NRXN1: variants seen among roughly 807,000 people sequenced by gnomAD.
NRXN1 encodes the protein neurexin-1.
Under a neutral mutation model 150.9 loss-of-function variants are expected in NRXN1, and 39 were observed. The ratio of observed to expected loss-of-function variants is 0.26; its 90% CI spans 0.20 to 0.34. The LOEUF is 0.34. NRXN1 is among the 10% of genes least tolerant of loss of function. NRXN1 has a pLI of 1.00. For synonymous variants in NRXN1, 924 were observed against 757.0 expected, an observed-to-expected ratio of 1.22 and a Z score of -3.62; for missense variants, 1,815 against 1,949.9, an observed-to-expected ratio of 0.93 and a Z score of 1.30.
intron 21 of NRXN1, among the ~76,000 whole-genome samples, chr2:49,963,148 G>C (rs560943556): frequency 1.3e-5 from 2 of 152,178 alleles, no homozygotes; most frequent in East Asian, 3.9e-4. Flanking sequence ...CTCAAATCCT[G>C]CAGAATCCTT....
chr2:50,866,094 T>C (rs1044357675), intron 5 of NRXN1, among the ~76,000 whole-genome samples: 7 of 151,886 alleles, frequency 4.6e-5, no homozygotes, highest in African/African-American at 1.4e-4. Context: ...TATTTAATTA[T>C]GTTTCTACGG....
At chr2:50,531,180 C>T (rs1172106905) in intron 11 of NRXN1, 47 bp downstream of exon 11, 11 of 1,514,446 alleles carry the variant, frequency 7.3e-6, no homozygotes, top group Non-Finnish European at 9.0e-6. Flanking sequence ...GCAAATTGAA[C>T]AAAAAGTAAA....
At chr2:50,284,190 A>G (rs1574922842) in intron 17 of NRXN1, among the ~76,000 whole-genome samples, 1 of 152,214 alleles carries the variant, frequency 6.6e-6, no homozygotes, top group African/African-American at 2.4e-5. Flanking sequence ...CTCTGTCAAC[A>G]GTCATTGATG....
intron 5 of NRXN1, among the ~76,000 whole-genome samples, chr2:50,848,153 G>A (rs1673964550): frequency 6.6e-6 from 1 of 152,104 alleles, no homozygotes; most frequent in South Asian, 2.1e-4. Flanking sequence ...CTGCCATGGG[G>A]TCAGAGCCCC....
chr2:49,986,625 A>G (rs950095862), intron 21 of NRXN1, among the ~76,000 whole-genome samples: 42 of 152,316 alleles, frequency 2.8e-4, no homozygotes, highest in African/African-American at 9.9e-4. Context: ...TAATAACTAC[A>G]TATTTATGAG....
At chr2:50,782,540 T>C (rs964040236) in intron 5 of NRXN1, among the ~76,000 whole-genome samples, 1 of 152,150 alleles carries the variant, frequency 6.6e-6, no homozygotes, top group Non-Finnish European at 1.5e-5. Context: ...GCACCTGCGA[T>C]AACTTCTTTA....
intron 2 of NRXN1, among the ~76,000 whole-genome samples, chr2:51,003,418 CTA>C (rs991942673): frequency 6.6e-6 from 1 of 151,924 alleles, no homozygotes; most frequent in African/African-American, 2.4e-5. Context: ...GAAGAAATGA[CTA>C]GAGATAAATT....
chr2:50,581,819 C>A (rs1558969300), intron 8 of NRXN1, among the ~76,000 whole-genome samples: 1 of 152,088 alleles, frequency 6.6e-6, no homozygotes, highest in Non-Finnish European at 1.5e-5. Context: ...AATAAAGTAA[C>A]TGATTTATCC....
intron 18 of NRXN1, among the ~76,000 whole-genome samples, chr2:50,107,539 A>ATTT (rs1230095218): frequency 2.9e-4 from 38 of 129,854 alleles, no homozygotes; most frequent in African/African-American, 9.1e-4. Context: ...ATATATATAT[A>ATTT]TTTTTTTTTT....
At chr2:50,691,308 A>C (rs1035980056) in intron 5 of NRXN1, among the ~76,000 whole-genome samples, 1 of 152,180 alleles carries the variant, frequency 6.6e-6, no homozygotes, top group African/African-American at 2.4e-5. Flanking sequence ...ATAGTACTTG[A>C]AAAACCGTTA....
intron 17 of NRXN1, among the ~76,000 whole-genome samples, chr2:50,376,872 C>G (rs34154047): frequency 0.14 from 21,375 of 152,016 alleles, 2,328 homozygotes; most frequent in East Asian, 0.37. Flanking sequence ...AAAGAGGAAC[C>G]GGTTCTTTGT....
chr2:50,150,366 G>A (rs2058624843), intron 18 of NRXN1, among the ~76,000 whole-genome samples: 1 of 151,712 alleles, frequency 6.6e-6, no homozygotes, highest in African/African-American at 2.4e-5. Flanking sequence ...CATTCTTGCT[G>A]TTCTGTCTAC....
intron 15 of NRXN1, among the ~76,000 whole-genome samples, chr2:50,476,429 G>C (rs1163656804): frequency 6.6e-6 from 1 of 151,966 alleles, no homozygotes; most frequent in Non-Finnish European, 1.5e-5. Flanking sequence ...ACTTCTTTAA[G>C]AGTCAGATTC....
intron 21 of NRXN1, among the ~76,000 whole-genome samples, chr2:50,025,639 C>T (rs1688168779): frequency 6.6e-6 from 1 of 152,176 alleles, no homozygotes; most frequent in Non-Finnish European, 1.5e-5. Flanking sequence ...GGGGTATCTA[C>T]ATTTTAAAAC....
At chr2:50,587,041 G>C (rs994111816) in intron 8 of NRXN1, among the ~76,000 whole-genome samples, 3 of 116,676 alleles carry the variant, frequency 2.6e-5, no homozygotes, top group African/African-American at 5.8e-5. Context: ...CACAAATCCT[G>C]AGTTCCAATG....
At chr2:50,006,402 T>G (rs1232464589) in intron 21 of NRXN1, among the ~76,000 whole-genome samples, 1 of 152,082 alleles carries the variant, frequency 6.6e-6, no homozygotes, top group Non-Finnish European at 1.5e-5. Context: ...AAAACATCAA[T>G]TGCTCTCTAA....
intron 8 of NRXN1, among the ~76,000 whole-genome samples, chr2:50,563,703 T>C (rs1669452903): frequency 6.6e-6 from 1 of 152,148 alleles, no homozygotes; most frequent in Non-Finnish European, 1.5e-5. Flanking sequence ...AATGGACTGT[T>C]TAATTTATTG....
chr2:50,121,764 T>C (rs150146386), intron 18 of NRXN1, among the ~76,000 whole-genome samples: 4 of 152,340 alleles, frequency 2.6e-5, no homozygotes, highest in Non-Finnish European at 5.9e-5. Context: ...GAAAACATCC[T>C]AGTACTTTGT....
chr2:50,260,068 C>A (rs2068095484), intron 17 of NRXN1, among the ~76,000 whole-genome samples: 1 of 151,758 alleles, frequency 6.6e-6, no homozygotes, highest in African/African-American at 2.4e-5. Context: ...TCTATCAACT[C>A]TGTTGACCCT....
Sources: gnomAD v4.1 joint callset for allele counts (sites outside exome capture counted in the v4.1 genomes callset) on GRCh38, gnomAD v4.1.1 for gene constraint, MANE v1.5 for transcripts, NCBI Gene and HGNC (gene_info 2026-07-23, HGNC 2026-07-21) for gene names.